Variants in SPTBN1 observed in about 807,000 individuals in gnomAD.
SPTBN1 encodes the protein spectrin beta chain, non-erythrocytic 1.
A neutral mutation model predicts 266.4 loss-of-function variants in SPTBN1; 32 were observed. The observed-to-expected ratio is 0.12, with a 90% confidence interval of 0.09 to 0.16. The LOEUF is 0.16. Ranked by LOEUF, SPTBN1 falls within the 10% of genes least tolerant of loss-of-function variation. The pLI is 1.00. For synonymous variants in SPTBN1, 1,336 were observed against 1,162.2 expected, an observed-to-expected ratio of 1.15 and a Z score of -3.04; for missense variants, 2,296 against 3,067.1, an observed-to-expected ratio of 0.75 and a Z score of 5.94.
intron 32 of SPTBN1, chr2:54,661,594 C>G (rs1681051116): frequency 1.0e-6 from 1 of 985,718 alleles, no homozygotes; most frequent in African/African-American, 1.7e-5. Flanking sequence ...TATTGGGTCT[C>G]TGCCTTAAAA....
intron 28 of SPTBN1, among the ~76,000 whole-genome samples, chr2:54,655,513 T>G (rs1680591966): frequency 6.6e-6 from 1 of 152,208 alleles, no homozygotes; most frequent in Admixed American, 6.5e-5. Context: ...CAGTTTGCTG[T>G]TGAGTGCATG....
chr2:54,517,023 A>G (rs1670146905), intron 1 of SPTBN1, among the ~76,000 whole-genome samples: 1 of 152,214 alleles, frequency 6.6e-6, no homozygotes. Context: ...GTGGAGACCT[A>G]GGTTTTATCA....
intron 1 of SPTBN1, among the ~76,000 whole-genome samples, chr2:54,502,059 T>TGA (rs1200185107): frequency 6.6e-6 from 1 of 152,156 alleles, no homozygotes; most frequent in Non-Finnish European, 1.5e-5. Flanking sequence ...TGCTAAACTC[T>TGA]GAGAGAGAGA....
chr2:54,665,070 A>G (rs1240067365), intron 33 of SPTBN1, among the ~76,000 whole-genome samples: 3 of 152,152 alleles, frequency 2.0e-5, no homozygotes, highest in Non-Finnish European at 4.4e-5. Flanking sequence ...ATCAGCCTTT[A>G]TATATATTCA....
Position 54,653,305 on chromosome 2 carries a change from A to G in SPTBN1, c.5578-304A>G, listed in dbSNP as rs578229729. Reference sequence around the variant, plus strand: ...TTTGGACTGTATCTGAATATGTCCCACTCAGATATCCCAGGCTGCCTCCAG... The same window carrying G: ...TTTGGACTGTATCTGAATATGTCCCGCTCAGATATCCCAGGCTGCCTCCAG... On this transcript the variant is annotated intron_variant, in intron 26 of 35. Transcript: ENST00000356805. This position sits in a 1 kb window ranked among gnomAD's most constrained non-coding sequence, Gnocchi z 5.1. 9.5e-6 allele frequency: 3 copies of G among 314,780 alleles called. No individual in the cohort carries two copies. Among genetic ancestry groups the G allele is most frequent in the Non-Finnish European group, 1.2e-5 (2 of 172,056 alleles). 19.5% of individuals were successfully genotyped at this position (314,780 alleles called of 1,614,324 possible).
intron 1 of SPTBN1, among the ~76,000 whole-genome samples, chr2:54,460,218 G>T (rs976219132): frequency 6.6e-6 from 1 of 152,138 alleles, no homozygotes; most frequent in Non-Finnish European, 1.5e-5. Flanking sequence ...ACTCTATTCT[G>T]TTCCTTCAGC....
chr2:54,472,350 A>G (rs1007707131), intron 1 of SPTBN1, among the ~76,000 whole-genome samples: 8 of 152,098 alleles, frequency 5.3e-5, no homozygotes, highest in Admixed American at 1.3e-4. Context: ...TAAAAGTCCT[A>G]TATTTTATAT....
intron 3 of SPTBN1, among the ~76,000 whole-genome samples, chr2:54,609,694 T>C (rs1038089476): frequency 3.9e-5 from 6 of 152,278 alleles, no homozygotes; most frequent in Non-Finnish European, 7.4e-5. Context: ...GTTGAACTCA[T>C]GGGGTTCTGG....
chr2:54,629,298 A>G lies in SPTBN1; in HGVS notation c.2164A>G (p.Ile722Val), dbSNP rs779049731. 19 of 1,614,074 alleles carry G rather than the reference A, an allele frequency of 1.2e-5. No individual in the cohort carries two copies. The highest frequency in any genetic ancestry group is 1.6e-5 in the Non-Finnish European group (19 of 1,180,032). The part of the protein sequence containing the change: ...SEKIRERIIY[I>V]REQWANLEQL... The stretch of plus-strand genomic sequence containing the variant: ...GAAGATCCGTGAGAGGATCATTTAC[A>G]TCCGGGAGCAGTGGGCCAACCTAGA... The change falls in exon 14 of 36, where the codon ATC becomes GTC. Residue 722 changes from isoleucine to valine, a missense_variant. Physicochemically the swap from Ile to Val is conservative, Grantham distance 29. Transcript: ENST00000356805.
intron 1 of SPTBN1, among the ~76,000 whole-genome samples, chr2:54,491,343 A>G (rs947856550): frequency 2.6e-5 from 4 of 152,206 alleles, no homozygotes; most frequent in African/African-American, 7.2e-5. Flanking sequence ...CGACCATTCT[A>G]CACTTAGGTA....
intron 1 of SPTBN1, among the ~76,000 whole-genome samples, chr2:54,481,476 C>T (rs918706003): frequency 2.6e-5 from 4 of 151,238 alleles, no homozygotes; most frequent in African/African-American, 2.4e-5. Context: ...GTTTTCCAAA[C>T]TCTGGATATG....
chr2:54,577,155 C>T (rs1018045074), intron 2 of SPTBN1, among the ~76,000 whole-genome samples: 9 of 152,244 alleles, frequency 5.9e-5, no homozygotes, highest in South Asian at 2.1e-4. Context: ...GCACAGGTCC[C>T]GGGAATCAGG....
At position 54,604,333 on chromosome 2, in the gene SPTBN1, A is replaced by T. The variant is rs191204439; in HGVS notation, c.300+5090A>T. Among the ~76,000 whole-genome samples, 4 of 152,316 alleles carry T rather than the reference A, an allele frequency of 2.6e-5. No homozygotes were observed. The East Asian group carries it at 7.7e-4, about 29-fold the overall frequency. On this transcript the variant is annotated intron_variant, in intron 3 of 35. Coordinates refer to ENST00000356805, the MANE Select transcript of SPTBN1 (RefSeq NM_003128.3). Reference sequence around the variant, plus strand: ...CTCTCCTATAAAAAAAAGAGGCCAAATTAGCTCTCAGAAGCTTTTTTTTTC... The same window carrying T: ...CTCTCCTATAAAAAAAAGAGGCCAATTTAGCTCTCAGAAGCTTTTTTTTTC...
chr2:54,624,667 T>G (rs2103888963), intron 10 of SPTBN1, 137 bp from the exon 11 acceptor site: 5 of 1,289,082 alleles, frequency 3.9e-6, no homozygotes, highest in Middle Eastern at 2.7e-4. Flanking sequence ...TGAGAGTCAG[T>G]GAGAGTGGGA....
chr2:54,469,831 T>C (rs940205589), intron 1 of SPTBN1, among the ~76,000 whole-genome samples: 1 of 152,230 alleles, frequency 6.6e-6, no homozygotes, highest in Non-Finnish European at 1.5e-5. Context: ...CACAGCAAGA[T>C]TGACAAGTCT....
At chr2:54,580,234 T>C (rs975737964) in intron 2 of SPTBN1, among the ~76,000 whole-genome samples, 12 of 152,176 alleles carry the variant, frequency 7.9e-5, no homozygotes. Flanking sequence ...TAGTCTGGGG[T>C]GACTTTACTG....
intron 1 of SPTBN1, among the ~76,000 whole-genome samples, chr2:54,466,360 A>AAAGTTCATGAGCCTATTAACATT (rs1192411048): frequency 5.5e-5 from 5 of 90,224 alleles, no homozygotes; most frequent in African/African-American, 2.2e-4. Flanking sequence ...TTATTCTTCG[A>AAAGTTCATGAGCCTATTAACATT]GACCATCCTG....
At chr2:54,614,751 C>G (rs188405146) in intron 4 of SPTBN1, among the ~76,000 whole-genome samples, 1 of 150,208 alleles carries the variant, frequency 6.7e-6, no homozygotes, top group African/African-American at 2.5e-5. Flanking sequence ...TGCAGTGAGC[C>G]GAGATCACAC....
At position 54,670,962 on chromosome 2, in the gene SPTBN1, T is replaced by C. The variant is rs1177250895; in HGVS notation, c.*2393T>C. On this transcript the variant is annotated 3_prime_UTR_variant, in exon 36 of 36. Coordinates refer to ENST00000356805, the MANE Select transcript of SPTBN1 (RefSeq NM_003128.3). ...TAAATAGTTTTTGGGTTTTTTGTTT[T>C]TTTTTTATTCTTCCACTATCATGTT... The C allele has an allele frequency of 2.5e-6, 1 of 397,188 alleles. No individual in the cohort carries two copies. The highest frequency in any genetic ancestry group is 4.4e-6 in the Non-Finnish European group (1 of 225,788). The allele number at this position is 397,188 out of a possible 1,614,324, so 24.6% of individuals were successfully genotyped here.
Sources: allele counts gnomAD v4.1 joint callset (sites outside exome capture counted in the v4.1 genomes callset), GRCh38; gene constraint gnomAD v4.1.1; non-coding constraint Gnocchi (gnomAD v3.1); transcripts MANE v1.5; gene names NCBI Gene and HGNC (gene_info 2026-07-23, HGNC 2026-07-21).